SPATA13: variants seen among roughly 807,000 people sequenced by gnomAD.
SPATA13 encodes the protein spermatogenesis associated 13.
A neutral mutation model predicts 104.0 loss-of-function variants in SPATA13; 50 were observed. The observed-to-expected ratio is 0.48, with a 90% CI of 0.38 to 0.61. The LOEUF is 0.61. Ranked by LOEUF, SPATA13 falls within the 20% of genes least tolerant of loss-of-function variation. The pLI is 0.00. For missense variants in SPATA13, 1,524 were observed against 1,690.6 expected, an observed-to-expected ratio of 0.90 and a Z score of 1.73; for synonymous variants, 606 against 667.5, an observed-to-expected ratio of 0.91 and a Z score of 1.42.
At chr13:24,095,331 A>G (rs1412829846) in intron 3 of SPATA13, among the ~76,000 whole-genome samples, 1 of 152,242 alleles carries the variant, frequency 6.6e-6, no homozygotes, top group African/African-American at 2.4e-5. Context: ...CAAGTACGGT[A>G]TGATTCCACT....
chr13:24,136,714 A>G (rs955461850), intron 3 of SPATA13, among the ~76,000 whole-genome samples: 2 of 152,246 alleles, frequency 1.3e-5, no homozygotes, highest in Non-Finnish European at 2.9e-5. Flanking sequence ...CCAGCACAAG[A>G]CTGGCACATA....
intron 4 of SPATA13, among the ~76,000 whole-genome samples, chr13:24,268,652 G>T (rs1258170637): frequency 6.6e-6 from 1 of 152,080 alleles, no homozygotes; most frequent in Non-Finnish European, 1.5e-5. Flanking sequence ...CCAGCTACTC[G>T]GGAGGCTGAG....
chr13:24,194,961 A>G (rs1370645318), intron 1 of SPATA13, among the ~76,000 whole-genome samples: 1 of 152,200 alleles, frequency 6.6e-6, no homozygotes. Context: ...ATTAAGATAC[A>G]ATTTAAATAC....
At chr13:24,192,944 C>T (rs973287894) in intron 1 of SPATA13, among the ~76,000 whole-genome samples, 8 of 152,150 alleles carry the variant, frequency 5.3e-5, no homozygotes, top group African/African-American at 1.9e-4. Flanking sequence ...CTTTCCTCCC[C>T]CTGCTGTTCT....
chr13:24,151,876 A>G (rs550836884), intron 3 of SPATA13, among the ~76,000 whole-genome samples: 49 of 152,360 alleles, frequency 3.2e-4, no homozygotes, highest in Admixed American at 8.5e-4. Context: ...ACTAAGCAGT[A>G]TAGATGCTTG....
At chr13:24,245,442 A>G (rs1367119027) in intron 2 of SPATA13, among the ~76,000 whole-genome samples, 1 of 152,162 alleles carries the variant, frequency 6.6e-6, no homozygotes, top group Non-Finnish European at 1.5e-5. Context: ...TGGGAGTAAA[A>G]TGGACATTTC....
chr13:24,133,621 G>C (rs1881458107), intron 3 of SPATA13, among the ~76,000 whole-genome samples: 1 of 152,172 alleles, frequency 6.6e-6, no homozygotes, highest in African/African-American at 2.4e-5. Flanking sequence ...GTGTGTGTGG[G>C]ATGGACCATA....
At chr13:24,124,350 G>C (rs1881140740) in intron 3 of SPATA13, among the ~76,000 whole-genome samples, 1 of 152,298 alleles carries the variant, frequency 6.6e-6, no homozygotes, top group South Asian at 2.1e-4. Flanking sequence ...TTAAGTTACA[G>C]ACTCCCAGGG....
At position 24,205,155 on chromosome 13, in the gene SPATA13, C is replaced by A. The variant is rs1870631948; in HGVS notation, c.-111-17664C>A. The stretch of plus-strand genomic sequence containing the variant: ...TAGGAAGAGAGGAAGTCAAACTATC[C>A]CTGTTTGCAGATGACATGATTCTGT... On this transcript the variant is annotated intron_variant, in intron 1 of 12. Transcript: ENST00000382108. The surrounding 1 kb of genome is among the most constrained non-coding windows in gnomAD (Gnocchi z 4.1). 6.6e-6 allele frequency among the ~76,000 whole-genome samples: 1 copy of A among 152,096 alleles called. No homozygotes were observed. Among genetic ancestry groups the A allele is most frequent in the African/African-American group, 2.4e-5 (1 of 41,418 alleles).
chr13:24,089,927 G>A (rs1343622048), intron 3 of SPATA13, among the ~76,000 whole-genome samples: 1 of 152,156 alleles, frequency 6.6e-6, no homozygotes, highest in Non-Finnish European at 1.5e-5. Context: ...CAAACGCTGT[G>A]TTTTCACATG....
chr13:24,186,703 G>A (rs1221833783), intron 1 of SPATA13, among the ~76,000 whole-genome samples: 2 of 152,138 alleles, frequency 1.3e-5, no homozygotes, highest in African/African-American at 4.8e-5. Context: ...TTAATTTTCT[G>A]CACAGAAAAT....
At chr13:24,277,546 G>C (rs1377962018) in intron 4 of SPATA13, among the ~76,000 whole-genome samples, 1 of 151,248 alleles carries the variant, frequency 6.6e-6, no homozygotes. Flanking sequence ...GATTTTTCTA[G>C]CTAGAATCTC....
chr13:24,224,652 C>A, intron 2 of SPATA13, 70 bp downstream of exon 2: 2 of 1,490,520 alleles, frequency 1.3e-6, no homozygotes, highest in South Asian at 1.2e-5. Flanking sequence ...CAGGTGTTGC[C>A]CTTGGTCCCT....
At chr13:24,079,768 T>C (rs1879449214) in intron 3 of SPATA13, among the ~76,000 whole-genome samples, 1 of 152,218 alleles carries the variant, frequency 6.6e-6, no homozygotes, top group Non-Finnish European at 1.5e-5. Flanking sequence ...ATTAGGTCTC[T>C]GGACTCATCT....
At position 24,284,789 on chromosome 13, in the gene SPATA13, G is replaced by A. The variant is rs115870614; in HGVS notation, c.2301+518G>A. Among the ~76,000 whole-genome samples, 748 of 152,266 alleles carry A rather than the reference G, an allele frequency of 4.9e-3. 7 individuals carry two copies. Among genetic ancestry groups the A allele is most frequent in the African/African-American group, 0.017 (719 of 41,554 alleles). ...GAACAGCAGCTCCCCATCAGTGTTC[G>A]GCCAGTGCTTTCCACTTGATAAAGA... On this transcript the variant is annotated intron_variant, in intron 5 of 12. Transcript: ENST00000382108.
Position 24,224,148 on chromosome 13 carries a change from A to C in SPATA13, c.1219A>C (p.Thr407Pro). 1.3e-6 allele frequency: 2 copies of C among 1,551,736 alleles called. No individual in the cohort carries two copies. The highest frequency in any genetic ancestry group is 2.4e-5 in the South Asian group (2 of 84,060). ...TSKGPHLDAD[T>P]AVFPLETKSS... is the part of the protein sequence containing the mutation. ...TAAGGGGCCCCACCTAGACGCTGACACTGCCGTATTTCCTCTTGAAACCAA... is the reference window on the plus strand; with the variant it reads ...TAAGGGGCCCCACCTAGACGCTGACCCTGCCGTATTTCCTCTTGAAACCAA... Residue 407 changes from threonine to proline, a missense_variant, in exon 2 of 13, where the codon ACT (threonine) becomes CCT (proline). By Grantham distance (38) the Thr-to-Pro change is conservative. Around this residue, in one of 2 missense-constraint regions of SPATA13, gnomAD observed 1,089 missense variants for 1,135.9 expected, o/e 0.96. Coordinates refer to ENST00000382108, the MANE Select transcript of SPATA13 (RefSeq NM_001166271.3).
intron 2 of SPATA13, among the ~76,000 whole-genome samples, chr13:24,241,535 G>A (rs1872832716): frequency 6.6e-6 from 1 of 152,224 alleles, no homozygotes; most frequent in African/African-American, 2.4e-5. Flanking sequence ...GCTTTTATAG[G>A]AGCCCCTCCC....
At chr13:24,165,991 G>C (rs73166318) in intron 1 of SPATA13, among the ~76,000 whole-genome samples, 1 of 152,160 alleles carries the variant, frequency 6.6e-6, no homozygotes, top group Non-Finnish European at 1.5e-5. Context: ...GTTCAGAAAT[G>C]TGCTCCACTT....
At chr13:24,138,836 C>T (rs1362963855) in intron 3 of SPATA13, among the ~76,000 whole-genome samples, 1 of 151,368 alleles carries the variant, frequency 6.6e-6, no homozygotes, top group East Asian at 1.9e-4. Context: ...AAGTAATCCT[C>T]CTGCCTTGGC....
Sources: gnomAD v4.1 joint callset for allele counts (sites outside exome capture counted in the v4.1 genomes callset) on GRCh38, gnomAD v4.1.1 for gene constraint, gnomAD v4.1.1 regional missense constraint, Gnocchi (gnomAD v3.1) non-coding constraint, MANE v1.5 for transcripts, NCBI Gene and HGNC (gene_info 2026-07-23, HGNC 2026-07-21) for gene names.